The following CTNNA2 variants were observed in gnomAD, a reference collection of about 807,000 sequenced individuals.
The protein encoded by CTNNA2 is catenin alpha 2.
A neutral mutation model predicts 101.0 loss-of-function variants in CTNNA2; 42 were observed. The ratio of observed to expected loss-of-function variants is 0.42; its 90% CI spans 0.32 to 0.54. The LOEUF is 0.54. Among genes scored for constraint, CTNNA2 ranks in the 20% least tolerant of loss-of-function variants. CTNNA2 has a pLI of 0.14. For missense variants in CTNNA2, 871 were observed against 1,223.1 expected (o/e 0.71, Z 4.29); for synonymous variants, 450 against 456.4 (o/e 0.99, Z 0.18).
chr2:79,206,278 T>C (rs1214215967), intron 2 of CTNNA2, among the ~76,000 whole-genome samples: 1 of 149,768 alleles, frequency 6.7e-6, no homozygotes, highest in Non-Finnish European at 1.5e-5. Context: ...TATAATAATG[T>C]TTGAATAAGA....
chr2:79,656,981 G>C (rs1355441793), intron 2 of CTNNA2, among the ~76,000 whole-genome samples: 2 of 151,636 alleles, frequency 1.3e-5, no homozygotes, highest in Non-Finnish European at 2.9e-5. Flanking sequence ...GCTATCATCA[G>C]TATAGAATTT....
chr2:80,393,346 A>C, intron 8 of CTNNA2, 55 bp downstream of exon 8: 2 of 1,264,680 alleles, frequency 1.6e-6, no homozygotes, highest in Non-Finnish European at 2.3e-6. Flanking sequence ...GGTTTCCAAC[A>C]ATATCCTTTT....
chr2:79,308,245 C>G (rs1676290882), intron 2 of CTNNA2, among the ~76,000 whole-genome samples: 1 of 152,088 alleles, frequency 6.6e-6, no homozygotes, highest in Non-Finnish European at 1.5e-5. Context: ...AGGGTTTCAT[C>G]ATGTTGGCCA....
chr2:79,716,026 GAA>G (rs5832401), intron 2 of CTNNA2, among the ~76,000 whole-genome samples: 1 of 146,952 alleles, frequency 6.8e-6, no homozygotes, highest in Non-Finnish European at 1.5e-5. Flanking sequence ...TATAAGGATT[GAA>G]AAAAAAAAGG....
chr2:79,481,935 A>C lies in CTNNA2; in HGVS notation c.-134-23119A>C, dbSNP rs536473643. The stretch of plus-strand genomic sequence containing the variant: ...TGGAGTTTGTTACATGGAAGAGGCC[A>C]CATACATGTTACTCAGCAAAGAGAA... On this transcript the variant is annotated intron_variant, in intron 4 of 21. Transcript: ENST00000466387. 2.6e-5 allele frequency among the ~76,000 whole-genome samples: 4 copies of C among 152,290 alleles called. No individual in the cohort carries two copies. In the East Asian group the frequency reaches 7.7e-4, roughly 29 times the overall value.
chr2:80,389,821 A>G (rs1040297464), intron 7 of CTNNA2, among the ~76,000 whole-genome samples: 1 of 152,182 alleles, frequency 6.6e-6, no homozygotes, highest in Non-Finnish European at 1.5e-5. Flanking sequence ...CACAACAAAT[A>G]TGGCTCCAGA....
At chr2:79,274,392 A>C (rs1471755222) in intron 2 of CTNNA2, among the ~76,000 whole-genome samples, 1 of 152,082 alleles carries the variant, frequency 6.6e-6, no homozygotes, top group African/African-American at 2.4e-5. Flanking sequence ...TTTGTCTCTA[A>C]AAATTGTTTT....
intron 4 of CTNNA2, among the ~76,000 whole-genome samples, chr2:79,455,398 GTGGGGTTGCCA>G (rs1360238411): frequency 2.0e-5 from 3 of 152,154 alleles, no homozygotes; most frequent in Non-Finnish European, 4.4e-5. Context: ...CTCCCTGTCT[GTGGGGTTGCCA>G]TGGGCTGGCT....
At chr2:80,001,721 T>G (rs1467201540) in intron 7 of CTNNA2, among the ~76,000 whole-genome samples, 1 of 152,160 alleles carries the variant, frequency 6.6e-6, no homozygotes, top group Non-Finnish European at 1.5e-5. Context: ...GAAGGATGCC[T>G]TGGAGAAAGA....
rs148544308 is a variant in CTNNA2 at position 80,181,223 on chromosome 2, G to A, written c.1057-211988G>A. 4.6e-3 allele frequency among the ~76,000 whole-genome samples: 707 copies of A among 152,248 alleles called. 3 individuals carry two copies. The highest frequency in any genetic ancestry group is 8.0e-3 in the Non-Finnish European group (542 of 68,012). On this transcript the variant is annotated intron_variant, in intron 7 of 18. Coordinates refer to ENST00000402739, the MANE Select transcript of CTNNA2 (RefSeq NM_001282597.3). ...TGTCTTGCCTAGCAACTGCCTCAGG[G>A]GAGGCCATCACTGTTGTCTCAGGCA...
At chr2:80,115,153 A>G (rs1701442224) in intron 7 of CTNNA2, among the ~76,000 whole-genome samples, 1 of 152,212 alleles carries the variant, frequency 6.6e-6, no homozygotes, top group Admixed American at 6.5e-5. Context: ...CTGAGGCCTG[A>G]CTGAGGCTTC....
chr2:79,522,724 G>GAAAATAA (rs1348416315), intron 1 of CTNNA2, among the ~76,000 whole-genome samples: 1 of 152,174 alleles, frequency 6.6e-6, no homozygotes, highest in African/African-American at 2.4e-5. Flanking sequence ...GAGAACTAAA[G>GAAAATAA]CTGGGACACT....
At chr2:79,949,054 T>G (rs1203812615) in intron 7 of CTNNA2, among the ~76,000 whole-genome samples, 1 of 152,166 alleles carries the variant, frequency 6.6e-6, no homozygotes, top group Non-Finnish European at 1.5e-5. Context: ...ATCATATTGT[T>G]TATAAATATG....
Position 79,187,452 on chromosome 2 carries a change from T to C in CTNNA2, c.-524+2021T>C, listed in dbSNP as rs139948352. On this transcript the variant is annotated intron_variant, in intron 1 of 21. Coordinates refer to the CTNNA2 transcript ENST00000466387. ...CAAGTAGCTGGGACCACAAGGACGC[T>C]TATTTTTAAGTTTCTTAATTTTAAA... Among the ~76,000 whole-genome samples the C allele has an allele frequency of 9.4e-4, 143 of 151,924 alleles. 1 individual carries two copies. Among genetic ancestry groups the C allele is most frequent in the African/African-American group, 3.3e-3 (138 of 41,430 alleles).
intron 4 of CTNNA2, among the ~76,000 whole-genome samples, chr2:79,382,865 T>C (rs896348699): frequency 1.3e-5 from 2 of 152,166 alleles, no homozygotes; most frequent in East Asian, 1.9e-4. Flanking sequence ...CCACCCGCCT[T>C]GGCCTCCCAA....
At chr2:79,635,767 G>A (rs1348968493) in intron 1 of CTNNA2, among the ~76,000 whole-genome samples, 1 of 151,238 alleles carries the variant, frequency 6.6e-6, no homozygotes, top group African/African-American at 2.4e-5. Flanking sequence ...GCCTCCCTAA[G>A]TGCTGGGATT....
At chr2:79,866,436 A>G (rs1574171918) in intron 4 of CTNNA2, 1 of 152,186 alleles carries the variant, frequency 6.6e-6, no homozygotes, top group Non-Finnish European at 1.5e-5. Context: ...GGCATTTTTA[A>G]TGGGAAAGGG....
intron 18 of CTNNA2, among the ~76,000 whole-genome samples, chr2:80,638,042 T>C (rs371257459): frequency 6.6e-6 from 1 of 152,200 alleles, no homozygotes; most frequent in African/African-American, 2.4e-5. Context: ...CATGGGTTCC[T>C]AGATAATTGT....
rs35181295 is a variant in CTNNA2 at position 80,419,511 on chromosome 2, A to G, written c.1200A>G (p.Leu400=). 7.8e-4 allele frequency: 1,260 copies of G among 1,613,476 alleles called. No individual in the cohort carries two copies. Among genetic ancestry groups the G allele is most frequent in the Non-Finnish European group, 9.9e-4 (1,170 of 1,179,496 alleles). ...TCCTGGAAACCAATGTTCCTTTGCT[A>G]GTTCTCATTGAGGCTGCAAAGAGCG... is the stretch of plus-strand genomic sequence containing the variant. The part of the protein sequence containing the change: ...DSFLETNVPL[L]VLIEAAKSGN... The change falls in exon 9 of 19, where the codon CTA becomes CTG. Residue 400 remains leucine (L), a synonymous_variant. Transcript: ENST00000402739.
Sources: gnomAD v4.1 joint callset for allele counts (sites outside exome capture counted in the v4.1 genomes callset) on GRCh38, gnomAD v4.1.1 for gene constraint, MANE v1.5 for transcripts, NCBI Gene and HGNC (gene_info 2026-07-23, HGNC 2026-07-21) for gene names.